Variants in ANO2 observed in about 807,000 individuals in gnomAD.
The protein encoded by ANO2 is anoctamin-2.
Under a neutral mutation model 124.2 loss-of-function variants are expected in ANO2, and 101 were observed. That is an observed-to-expected ratio of 0.81 (90% confidence interval 0.69 to 0.96). The LOEUF (loss-of-function observed/expected upper bound fraction) is 0.96. Ranked by LOEUF, ANO2 falls within the 40% of genes least tolerant of loss-of-function variation. ANO2 has a pLI of 0.00. For missense variants in ANO2, 1,293 were observed against 1,274.5 expected (o/e 1.01, Z -0.22); for synonymous variants, 486 against 482.5 (o/e 1.01, Z -0.09).
chr12:5,755,411 ATATTTTTATTATACTTTAAGTTC>A (rs1431861343), intron 10 of ANO2, among the ~76,000 whole-genome samples: 1 of 147,220 alleles, frequency 6.8e-6, no homozygotes, highest in Non-Finnish European at 1.5e-5. Flanking sequence ...TTATTTATTT[ATATTTTTATTATACTTTAAGTTC>A]TAGGGTACAT....
At chr12:5,807,063 G>C (rs533997845) in intron 8 of ANO2, among the ~76,000 whole-genome samples, 34 of 152,290 alleles carry the variant, frequency 2.2e-4, no homozygotes, top group Non-Finnish European at 3.2e-4. Flanking sequence ...TACAAGAAAA[G>C]CTCAAACAAA....
At position 5,837,336 on chromosome 12, in the gene ANO2, TTTTA is replaced by T. The variant is rs1192598262; in HGVS notation, c.634-4737_634-4734del. Among the ~76,000 whole-genome samples the T allele has an allele frequency of 1.9e-3, 38 of 20,476 alleles. 1 individual carries two copies. The highest frequency in any genetic ancestry group is 0.026 in the East Asian group (1 of 38). 13.4% of individuals were successfully genotyped at this position (20,476 alleles called of 152,430 possible). A position where few individuals can be genotyped will look rare whatever the true frequency, so the allele number is the denominator to read the frequency against. Reference sequence around the variant, plus strand: ...TTATGATTCCTGCCTTTTTTTTTTTTTTTAAATTATACTTTAAGTTTTAGGGTAC... The same window carrying T: ...TTATGATTCCTGCCTTTTTTTTTTTTAATTATACTTTAAGTTTTAGGGTAC... On this transcript the variant is annotated intron_variant, in intron 4 of 24. Coordinates refer to ENST00000682330, the MANE Select transcript of ANO2 (RefSeq NM_001364791.2).
In ANO2 at chr12:5,726,389, C is replaced by T. The variant is rs1380419812; in HGVS notation, c.1545+6131G>A. On this transcript the variant is annotated intron_variant, in intron 14 of 24. Coordinates refer to ENST00000682330, the MANE Select transcript of ANO2 (RefSeq NM_001364791.2). ...TCTCACCCATCTTTCCAGTGAATAC[C>T]ACAGTCCTTTCTGCCTTTAGTTTAG... is the stretch of plus-strand genomic sequence containing the variant. Among the ~76,000 whole-genome samples, 3 of 152,252 alleles carry T rather than the reference C, an allele frequency of 2.0e-5. No homozygotes were observed. In the East Asian group the frequency reaches 5.8e-4, roughly 29 times the overall value.
At chr12:5,749,164 C>G (rs1306378268) in intron 11 of ANO2, among the ~76,000 whole-genome samples, 1 of 152,216 alleles carries the variant, frequency 6.6e-6, no homozygotes, top group East Asian at 1.9e-4. Context: ...TTTCTGCCCA[C>G]TGATGCACGC....
chr12:5,603,728 G>A (rs1375925664), intron 19 of ANO2, among the ~76,000 whole-genome samples: 3 of 151,922 alleles, frequency 2.0e-5, no homozygotes, highest in Admixed American at 2.0e-4. Flanking sequence ...GGCAGATCAC[G>A]AGGTCAGGAG....
chr12:5,851,854 G>T, intron 4 of ANO2: 1 of 697,576 alleles, frequency 1.4e-6, no homozygotes, highest in East Asian at 2.7e-5. Context: ...ATAAGCAAGC[G>T]GAGGTTGAAA....
intron 13 of ANO2, among the ~76,000 whole-genome samples, chr12:5,736,682 G>A (rs1257868509): frequency 6.6e-6 from 1 of 152,032 alleles, no homozygotes; most frequent in African/African-American, 2.4e-5. Context: ...CCTTCCCATG[G>A]CCTGGGAGAT....
At chr12:5,690,692 G>A (rs1388490334) in intron 14 of ANO2, among the ~76,000 whole-genome samples, 2 of 152,132 alleles carry the variant, frequency 1.3e-5, no homozygotes, top group Non-Finnish European at 2.9e-5. Flanking sequence ...GGAGTGGAGG[G>A]TGGGTGCAGC....
At chr12:5,698,010 G>T (rs1162556675) in intron 14 of ANO2, among the ~76,000 whole-genome samples, 1 of 152,218 alleles carries the variant, frequency 6.6e-6, no homozygotes, top group African/African-American at 2.4e-5. Flanking sequence ...GCCTGCCTCT[G>T]TAGACTCCAC....
At chr12:5,723,862 T>C (rs1950332154) in intron 14 of ANO2, among the ~76,000 whole-genome samples, 1 of 152,088 alleles carries the variant, frequency 6.6e-6, no homozygotes, top group Non-Finnish European at 1.5e-5. Flanking sequence ...TGTGCACAGA[T>C]CCTCTGAAGC....
intron 3 of ANO2, among the ~76,000 whole-genome samples, chr12:5,905,834 C>G (rs1429363283): frequency 1.3e-5 from 2 of 152,168 alleles, no homozygotes; most frequent in African/African-American, 4.8e-5. Context: ...CTTTCCCCAA[C>G]AGGTCACCAA....
At chr12:5,794,043 C>T (rs1046873178) in intron 10 of ANO2, among the ~76,000 whole-genome samples, 1 of 152,186 alleles carries the variant, frequency 6.6e-6, no homozygotes, top group African/African-American at 2.4e-5. Flanking sequence ...GGAACATAAT[C>T]ATCCTTGTTT....
At chr12:5,828,378 G>C (rs555026991) in intron 6 of ANO2, among the ~76,000 whole-genome samples, 1 of 152,346 alleles carries the variant, frequency 6.6e-6, no homozygotes, top group South Asian at 2.1e-4. Context: ...GGGTCAGCTT[G>C]CATCTGTAAT....
At chr12:5,826,436 TCATATATATATATATATATA>T (rs1208846642) in intron 7 of ANO2, among the ~76,000 whole-genome samples, 8 of 99,752 alleles carry the variant, frequency 8.0e-5, no homozygotes, top group Admixed American at 5.6e-4. Context: ...CTTAATAAAC[TCATATATATATATATATATA>T]TATATATATA....
intron 2 of ANO2, 132 bp downstream of exon 2, chr12:5,922,488 T>G (rs1337108164): frequency 9.7e-7 from 1 of 1,033,368 alleles, no homozygotes; most frequent in Non-Finnish European, 1.3e-6. Flanking sequence ...GAAAAGGCCC[T>G]ACCCAAACCT....
intron 14 of ANO2, among the ~76,000 whole-genome samples, chr12:5,651,687 C>T (rs1946922065): frequency 6.6e-6 from 1 of 152,204 alleles, no homozygotes. Context: ...ACCACGACCA[C>T]AATCAAGACA....
At chr12:5,631,433 C>T (rs1345523814) in intron 16 of ANO2, among the ~76,000 whole-genome samples, 3 of 152,230 alleles carry the variant, frequency 2.0e-5, no homozygotes, top group African/African-American at 7.2e-5. Flanking sequence ...CTCATCACAC[C>T]TTCCTCAGAT....
At chr12:5,815,081 T>A (rs773320452) in intron 7 of ANO2, among the ~76,000 whole-genome samples, 5 of 152,180 alleles carry the variant, frequency 3.3e-5, no homozygotes, top group Non-Finnish European at 5.9e-5. Context: ...TCTTATCTGG[T>A]TATCTCAGCT....
chr12:5,696,330 G>A (rs1446808245), intron 14 of ANO2, among the ~76,000 whole-genome samples: 1 of 152,104 alleles, frequency 6.6e-6, no homozygotes, highest in Non-Finnish European at 1.5e-5. Flanking sequence ...TGCAGATGCA[G>A]CAAAGATGTA....
Sources: gnomAD v4.1 joint callset for allele counts (sites outside exome capture counted in the v4.1 genomes callset) on GRCh38, gnomAD v4.1.1 for gene constraint, MANE v1.5 for transcripts, NCBI Gene and HGNC (gene_info 2026-07-23, HGNC 2026-07-21) for gene names.